The following ASAP2 variants were observed in gnomAD, a reference collection of about 807,000 sequenced individuals.
ASAP2 encodes the protein arf-GAP with SH3 domain, ANK repeat and PH domain-containing protein 2.
ASAP2 carries 45 observed loss-of-function variants against 131.4 expected under a neutral mutation model. The observed-to-expected ratio is 0.34, with a 90% confidence interval of 0.27 to 0.44. The LOEUF is 0.44. ASAP2 is among the 20% of genes least tolerant of loss of function. ASAP2 has a pLI of 1.00. For synonymous variants in ASAP2, 510 were observed against 503.0 expected (o/e 1.01, Z -0.19); for missense variants, 1,011 against 1,297.0 (o/e 0.78, Z 3.39).
intron 3 of ASAP2, among the ~76,000 whole-genome samples, chr2:9,318,276 CT>C (rs1432716053): frequency 2.6e-5 from 4 of 152,284 alleles, no homozygotes; most frequent in African/African-American, 9.6e-5. Flanking sequence ...TACAAACTTT[CT>C]AGCATAACAA....
At chr2:9,240,737 T>C (rs990030796) in intron 1 of ASAP2, among the ~76,000 whole-genome samples, 3 of 152,230 alleles carry the variant, frequency 2.0e-5, no homozygotes, top group African/African-American at 7.2e-5. Flanking sequence ...TTTCCTTAAG[T>C]CAAGGAGTTT....
At chr2:9,247,048 G>C (rs1360760242) in intron 1 of ASAP2, among the ~76,000 whole-genome samples, 1 of 151,808 alleles carries the variant, frequency 6.6e-6, no homozygotes, top group African/African-American at 2.4e-5. Flanking sequence ...TGTTGTCCAG[G>C]ATGGCCTTGA....
At chr2:9,306,603 G>A (rs1558315278) in intron 3 of ASAP2, among the ~76,000 whole-genome samples, 2 of 151,906 alleles carry the variant, frequency 1.3e-5, no homozygotes, top group Non-Finnish European at 2.9e-5. Flanking sequence ...AGGAAAATGG[G>A]GGGCTGTGAG....
intron 3 of ASAP2, 45 bp from the exon 4 acceptor site, chr2:9,318,479 C>T: frequency 7.0e-7 from 1 of 1,424,848 alleles, no homozygotes; most frequent in Non-Finnish European, 9.9e-7. Flanking sequence ...ACTTTAGATT[C>T]ACAAGGAAGC....
rs1171661319 is a variant in ASAP2, at chr2:9,367,027, A to ATTTTTTTTTTTTTT, written c.1462-1393_1462-1380dup. Among the ~76,000 whole-genome samples, 22 of 132,932 alleles carry ATTTTTTTTTTTTTT rather than the reference A, an allele frequency of 1.7e-4. 2 individuals are homozygous for ATTTTTTTTTTTTTT. Among genetic ancestry groups the ATTTTTTTTTTTTTT allele is most frequent in the African/African-American group, 6.8e-4 (22 of 32,322 alleles). The allele number at this position is 132,932 out of a possible 152,430, so 87.2% of individuals were successfully genotyped here. A position where few individuals can be genotyped will look rare whatever the true frequency, so the allele number is the denominator to read the frequency against. On this transcript the variant is annotated intron_variant, in intron 15 of 27. Coordinates refer to ENST00000281419, the MANE Select transcript of ASAP2 (RefSeq NM_003887.3). ...GTTTGTTAACTCCTTTGCCTGCATAATTTTTTTTTTTTTTTTTTGTAGAGA... is the reference window on the plus strand; with the variant it reads ...GTTTGTTAACTCCTTTGCCTGCATAATTTTTTTTTTTTTTTTTTTTTTTTTTTTTTTTGTAGAGA...
At chr2:9,328,002 C>A in intron 7 of ASAP2, 91 bp downstream of exon 7, 1 of 899,436 alleles carries the variant, frequency 1.1e-6, no homozygotes, top group Non-Finnish European at 1.6e-6. Flanking sequence ...AAATAAACAC[C>A]ACTTAGAAGT....
intron 1 of ASAP2, among the ~76,000 whole-genome samples, chr2:9,216,475 T>C (rs1662047397): frequency 6.9e-6 from 1 of 145,226 alleles, no homozygotes; most frequent in South Asian, 2.3e-4. Context: ...TTTTTTTTTT[T>C]TTTGAGACGG....
At chr2:9,330,350 A>T (rs1421417178) in intron 7 of ASAP2, among the ~76,000 whole-genome samples, 2 of 152,210 alleles carry the variant, frequency 1.3e-5, no homozygotes, top group African/African-American at 4.8e-5. Flanking sequence ...CCCACTCCTA[A>T]GTGGGTGCTA....
chr2:9,238,759 T>G (rs926171666), intron 1 of ASAP2, among the ~76,000 whole-genome samples: 1 of 152,220 alleles, frequency 6.6e-6, no homozygotes, highest in African/African-American at 2.4e-5. Context: ...CTTACAAATG[T>G]ACAGTTGTGT....
At position 9,400,126 on chromosome 2, in the gene ASAP2, GT is replaced by G; in HGVS notation, c.2734+55del. The G allele has an allele frequency of 2.0e-6, 3 of 1,536,446 alleles. No homozygotes were observed. The South Asian group carries it at 3.4e-5, about 18-fold the overall frequency. On this transcript the variant is annotated intron_variant, in intron 25 of 27. Coordinates refer to ENST00000281419, the MANE Select transcript of ASAP2 (RefSeq NM_003887.3). ...TTTCTGCTTGGTCCATGGGGGCAATGTGGGGGATGTTTCCTGCCAGGTGGTC... is the reference window on the plus strand; with the variant it reads ...TTTCTGCTTGGTCCATGGGGGCAATGGGGGGATGTTTCCTGCCAGGTGGTC...
chr2:9,307,855 C>T (rs993041046), intron 3 of ASAP2, among the ~76,000 whole-genome samples: 2 of 152,194 alleles, frequency 1.3e-5, no homozygotes, highest in African/African-American at 2.4e-5. Context: ...AATTAAACAG[C>T]GACTGTGCTG....
intron 3 of ASAP2, among the ~76,000 whole-genome samples, chr2:9,306,287 G>A (rs1480456257): frequency 6.6e-6 from 1 of 151,564 alleles, no homozygotes; most frequent in Admixed American, 6.6e-5. Context: ...GATACCGGGT[G>A]GGAGGGCTGT....
intron 9 of ASAP2, among the ~76,000 whole-genome samples, chr2:9,339,583 A>T (rs1216013572): frequency 6.6e-6 from 1 of 152,168 alleles, no homozygotes; most frequent in Non-Finnish European, 1.5e-5. Flanking sequence ...TAGGTGGTAA[A>T]GATACCGTAG....
chr2:9,308,651 C>G (rs1336029784), intron 3 of ASAP2, among the ~76,000 whole-genome samples: 1 of 152,166 alleles, frequency 6.6e-6, no homozygotes, highest in African/African-American at 2.4e-5. Context: ...CCATCTTGCC[C>G]TGTGCCAGCA....
chr2:9,394,810 G>A (rs1046367645), intron 24 of ASAP2, among the ~76,000 whole-genome samples: 20 of 152,172 alleles, frequency 1.3e-4, no homozygotes, highest in African/African-American at 3.9e-4. Flanking sequence ...TGGGGTCTTC[G>A]TCTTTTCTCC....
intron 20 of ASAP2, 42 bp downstream of exon 20, chr2:9,380,850 G>C (rs774156557): frequency 3.1e-6 from 5 of 1,595,474 alleles, no homozygotes; most frequent in Non-Finnish European, 4.3e-6. Context: ...CACCTGTCAC[G>C]GGACAGGGAG....
intron 6 of ASAP2, among the ~76,000 whole-genome samples, chr2:9,324,660 G>A (rs111585104): frequency 1.5e-3 from 236 of 152,280 alleles, no homozygotes; most frequent in African/African-American, 5.4e-3. Flanking sequence ...ATCCACTCAT[G>A]CAGTGACCTC....
chr2:9,244,287 C>T (rs1664183798), intron 1 of ASAP2, among the ~76,000 whole-genome samples: 2 of 152,156 alleles, frequency 1.3e-5, no homozygotes, highest in Admixed American at 1.3e-4. Flanking sequence ...CAGAGTGAGA[C>T]CCTGTCTCAA....
At chr2:9,369,854 A>G (rs535935502) in intron 16 of ASAP2, among the ~76,000 whole-genome samples, 2 of 151,482 alleles carry the variant, frequency 1.3e-5, no homozygotes, top group South Asian at 2.1e-4. Context: ...GAGAATTTAG[A>G]TTTTTTTTTC....
Sources: allele counts gnomAD v4.1 joint callset (sites outside exome capture counted in the v4.1 genomes callset), GRCh38; gene constraint gnomAD v4.1.1; transcripts MANE v1.5; gene names NCBI Gene and HGNC (gene_info 2026-07-23, HGNC 2026-07-21).